ERC2: variants seen among roughly 807,000 people sequenced by gnomAD.
ERC2 encodes the protein ELKS/RAB6-interacting/CAST family member 2.
Under a neutral mutation model 114.8 loss-of-function variants are expected in ERC2, and 42 were observed. The ratio of observed to expected loss-of-function variants is 0.37; its 90% CI spans 0.29 to 0.47. The LOEUF (loss-of-function observed/expected upper bound fraction) is 0.47. ERC2 is among the 20% of genes least tolerant of loss of function. The pLI, the probability that ERC2 is intolerant of heterozygous loss-of-function variation, is 0.99. For missense variants in ERC2, 939 were observed against 1,150.7 expected (o/e 0.82, Z 2.66); for synonymous variants, 454 against 425.5 (o/e 1.07, Z -0.82).
At chr3:55,757,208 C>T (rs1410338178) in intron 14 of ERC2, among the ~76,000 whole-genome samples, 3 of 152,144 alleles carry the variant, frequency 2.0e-5, no homozygotes, top group Non-Finnish European at 2.9e-5. Context: ...TGTTTTGTGA[C>T]ATTCCCCAGC....
chr3:55,675,752 G>A (rs1445976806), intron 17 of ERC2, among the ~76,000 whole-genome samples: 1 of 151,954 alleles, frequency 6.6e-6, no homozygotes, highest in Middle Eastern at 3.2e-3. Flanking sequence ...GCATGTTCTA[G>A]AGCAATACCT....
intron 6 of ERC2, among the ~76,000 whole-genome samples, chr3:56,138,799 T>C (rs2080676565): frequency 6.6e-6 from 1 of 152,206 alleles, no homozygotes; most frequent in South Asian, 2.1e-4. Flanking sequence ...ATAACTAGCT[T>C]GTGTTTTGCA....
At chr3:56,264,696 T>C (rs1239013786) in intron 3 of ERC2, among the ~76,000 whole-genome samples, 2 of 151,216 alleles carry the variant, frequency 1.3e-5, no homozygotes, top group African/African-American at 4.9e-5. Context: ...TGATCCTACA[T>C]GTAGAAAGCC....
chr3:55,932,896 T>C (rs2066191083), intron 13 of ERC2, among the ~76,000 whole-genome samples: 2 of 152,174 alleles, frequency 1.3e-5, no homozygotes. Context: ...GCAAAAATGG[T>C]ATTGTTAATT....
At chr3:56,149,432 T>TA (rs921606627) in intron 4 of ERC2, among the ~76,000 whole-genome samples, 17 of 152,188 alleles carry the variant, frequency 1.1e-4, no homozygotes, top group Non-Finnish European at 2.1e-4. Context: ...ATCTAAGTGT[T>TA]AAAAAACAAA....
At chr3:55,641,425 C>T (rs1294857351) in intron 17 of ERC2, among the ~76,000 whole-genome samples, 1 of 151,804 alleles carries the variant, frequency 6.6e-6, no homozygotes, top group African/African-American at 2.4e-5. Context: ...TGGCGTGCAC[C>T]TGTAATCCAA....
chr3:55,766,191 A>G (rs1559620092), intron 14 of ERC2, among the ~76,000 whole-genome samples: 1 of 152,000 alleles, frequency 6.6e-6, no homozygotes, highest in Non-Finnish European at 1.5e-5. Context: ...AGGGCTGGCA[A>G]CAGAAGGAAA....
intron 6 of ERC2, among the ~76,000 whole-genome samples, chr3:56,126,250 G>C (rs1015472065): frequency 6.6e-6 from 1 of 152,152 alleles, no homozygotes; most frequent in African/African-American, 2.4e-5. Flanking sequence ...TTTTAAAACA[G>C]AGTCATTTGT....
chr3:56,255,843 G>A (rs141200020), intron 3 of ERC2, among the ~76,000 whole-genome samples: 280 of 152,274 alleles, frequency 1.8e-3, no homozygotes, highest in African/African-American at 6.5e-3. Context: ...AATGGTCTGC[G>A]GACCAGCAGC....
intron 3 of ERC2, among the ~76,000 whole-genome samples, chr3:56,287,028 C>T (rs2054769793): frequency 6.6e-6 from 1 of 152,148 alleles, no homozygotes; most frequent in East Asian, 1.9e-4. Flanking sequence ...GCCTTTTTAG[C>T]GCTCTATCCG....
intron 4 of ERC2, among the ~76,000 whole-genome samples, chr3:56,151,818 C>T (rs369804262): frequency 5.9e-5 from 9 of 151,938 alleles, no homozygotes; most frequent in East Asian, 3.9e-4. Context: ...AAACTCGACG[C>T]GCTAATCTGG....
At chr3:56,357,547 T>C (rs1366976226) in intron 2 of ERC2, among the ~76,000 whole-genome samples, 2 of 152,022 alleles carry the variant, frequency 1.3e-5, no homozygotes, top group African/African-American at 4.8e-5. Flanking sequence ...GTCTCCTGGA[T>C]GCTCTGCTGC....
intron 2 of ERC2, among the ~76,000 whole-genome samples, chr3:56,316,580 T>G (rs2056873738): frequency 6.6e-6 from 1 of 152,148 alleles, no homozygotes; most frequent in South Asian, 2.1e-4. Flanking sequence ...GATGATACAG[T>G]TGTAGTGATG....
At chr3:56,311,284 TATATATAC>T (rs1560571446) in intron 2 of ERC2, among the ~76,000 whole-genome samples, 6,401 of 88,104 alleles carry the variant, frequency 0.073, 306 homozygotes, top group African/African-American at 0.092. Context: ...TATATATATA[TATATATAC>T]ACACATATAT....
chr3:56,373,783 G>T (rs1000970739), intron 2 of ERC2, among the ~76,000 whole-genome samples: 2 of 152,130 alleles, frequency 1.3e-5, no homozygotes, highest in African/African-American at 2.4e-5. Context: ...TTTCCTAAAT[G>T]TTATGTATTC....
intron 2 of ERC2, among the ~76,000 whole-genome samples, chr3:56,337,005 T>C (rs879862086): frequency 2.0e-5 from 3 of 152,192 alleles, no homozygotes; most frequent in Non-Finnish European, 4.4e-5. Flanking sequence ...AGAATTTTAA[T>C]AGAGGTTTGA....
intron 2 of ERC2, among the ~76,000 whole-genome samples, chr3:56,420,469 T>G (rs2061343210): frequency 6.6e-6 from 1 of 152,074 alleles, no homozygotes; most frequent in African/African-American, 2.4e-5. Flanking sequence ...TAAGCCACCA[T>G]GCCTGGCCCA....
At chr3:56,039,180 A>G (rs1397780910) in intron 7 of ERC2, among the ~76,000 whole-genome samples, 1 of 152,214 alleles carries the variant, frequency 6.6e-6, no homozygotes, top group Admixed American at 6.5e-5. Flanking sequence ...TACCTATGAA[A>G]CAAACCTGTA....
At chr3:55,904,011 G>A (rs1397770813) in intron 13 of ERC2, among the ~76,000 whole-genome samples, 1 of 152,196 alleles carries the variant, frequency 6.6e-6, no homozygotes, top group Non-Finnish European at 1.5e-5. Context: ...CATAGCCCTC[G>A]GGGACTTTCT....
Sources: allele counts gnomAD v4.1 joint callset (sites outside exome capture counted in the v4.1 genomes callset), GRCh38; gene constraint gnomAD v4.1.1; transcripts MANE v1.5; gene names NCBI Gene and HGNC (gene_info 2026-07-23, HGNC 2026-07-21).